Variants in PIAS1 observed in about 807,000 individuals in gnomAD.
PIAS1 encodes the protein protein inhibitor of activated STAT 1, also known as E3 SUMO-protein ligase PIAS1.
A neutral mutation model predicts 71.3 loss-of-function variants in PIAS1; 6 were observed. The ratio of observed to expected loss-of-function variants is 0.08; its 90% CI spans 0.05 to 0.17. The LOEUF (loss-of-function observed/expected upper bound fraction) is 0.17. Ranked by LOEUF, PIAS1 falls within the 10% of genes least tolerant of loss-of-function variation. PIAS1 has a pLI of 1.00. For synonymous variants in PIAS1, 303 were observed against 292.9 expected (o/e 1.03, Z -0.35); for missense variants, 555 against 793.6 (o/e 0.70, Z 3.61).
At chr15:68,088,176 G>GTGTGTGTATATATATATA (rs150997979) in intron 2 of PIAS1, among the ~76,000 whole-genome samples, 14 of 72,998 alleles carry the variant, frequency 1.9e-4, no homozygotes, top group Middle Eastern at 7.6e-3. Context: ...TTATGTGTGT[G>GTGTGTGTATATATATATA]TATATATATA....
Position 68,177,278 on chromosome 15 carries a change from CAAAAAAA to C in PIAS1, c.1481+637_1481+643del, listed in dbSNP as rs3083984. Among the ~76,000 whole-genome samples the C allele has an allele frequency of 5.5e-5, 5 of 90,880 alleles. No individual in the cohort carries two copies. In the South Asian group the frequency reaches 1.4e-3, roughly 26 times the overall value. 59.6% of individuals were successfully genotyped at this position (90,880 alleles called of 152,430 possible). Reference sequence around the variant, plus strand: ...TGGGCAACAGAGCGAGACTTTGTCTCAAAAAAAAAAAAAAAAAAAGAAAGAAAAAATT... The same window carrying C: ...TGGGCAACAGAGCGAGACTTTGTCTCAAAAAAAAAAAAGAAAGAAAAAATT... On this transcript the variant is annotated intron_variant, in intron 11 of 13. Coordinates refer to ENST00000249636, the MANE Select transcript of PIAS1 (RefSeq NM_016166.3).
In PIAS1 at chr15:68,086,787, CA is replaced by C. The variant is rs769429825; in HGVS notation, c.469+38del. On this transcript the variant is annotated intron_variant, in intron 2 of 13. Coordinates refer to ENST00000249636, the MANE Select transcript of PIAS1 (RefSeq NM_016166.3). The surrounding 1 kb of genome is among the most constrained non-coding windows in gnomAD (Gnocchi z 7.2). ...GTATGATAGTATTTGGTTACTTTTG[CA>C]GGATGAATTTTCGTTTTAGGCTTTT... 1.4e-5 allele frequency: 19 copies of C among 1,395,086 alleles called. No homozygotes were observed. The highest frequency in any genetic ancestry group is 3.6e-4 in the Middle Eastern group (2 of 5,494). The allele number at this position is 1,395,086 out of a possible 1,614,324, so 86.4% of individuals were successfully genotyped here.
At chr15:68,179,169 T>C (rs2093037399) in intron 11 of PIAS1, among the ~76,000 whole-genome samples, 1 of 152,184 alleles carries the variant, frequency 6.6e-6, no homozygotes, top group African/African-American at 2.4e-5. Flanking sequence ...AGTATAAAGG[T>C]TGAAATGCAT....
At position 68,170,986 on chromosome 15, in the gene PIAS1, T is replaced by A. The variant is rs529272055; in HGVS notation, c.1009-2746T>A. On this transcript the variant is annotated intron_variant, in intron 8 of 13. Coordinates refer to ENST00000249636, the MANE Select transcript of PIAS1 (RefSeq NM_016166.3). Reference sequence around the variant, plus strand: ...TAAGCTTTTTATTTTTTTTAACTTTTGACTCTTGTAATAACAACACTTAGC... The same window carrying A: ...TAAGCTTTTTATTTTTTTTAACTTTAGACTCTTGTAATAACAACACTTAGC... 3.9e-5 allele frequency among the ~76,000 whole-genome samples: 6 copies of A among 152,256 alleles called. 1 individual carries two copies. Among genetic ancestry groups the A allele is most frequent in the Non-Finnish European group, 5.9e-5 (4 of 68,020 alleles).
Position 68,178,128 on chromosome 15 carries a change from G to T in PIAS1, c.1481+1474G>T, listed in dbSNP as rs937526625. Among the ~76,000 whole-genome samples the T allele has an allele frequency of 6.6e-6, 1 of 152,090 alleles. No homozygotes were observed. Among genetic ancestry groups the T allele is most frequent in the Middle Eastern group, 3.2e-3 (1 of 316 alleles). On this transcript the variant is annotated intron_variant, in intron 11 of 13. Transcript: ENST00000249636. The surrounding 1 kb of genome is among the most constrained non-coding windows in gnomAD (Gnocchi z 4.2). ...CCTGTCTCTACCAAAAAATTAGCTGGGTATGGCACTGTGTGCCTGTTGTCC... is the reference window on the plus strand; with the variant it reads ...CCTGTCTCTACCAAAAAATTAGCTGTGTATGGCACTGTGTGCCTGTTGTCC...
At chr15:68,118,222 A>G (rs912294678) in intron 2 of PIAS1, among the ~76,000 whole-genome samples, 4 of 152,116 alleles carry the variant, frequency 2.6e-5, no homozygotes, top group Non-Finnish European at 4.4e-5. Context: ...TCTGGAGGCT[A>G]AGACATGAGA....
chr15:68,077,971 T>C (rs1019770981), intron 1 of PIAS1, among the ~76,000 whole-genome samples: 1 of 152,232 alleles, frequency 6.6e-6, no homozygotes, highest in Non-Finnish European at 1.5e-5. Flanking sequence ...TGTTTCTTCT[T>C]TTAGGCTTTT....
At chr15:68,081,141 T>C (rs1199459160) in intron 1 of PIAS1, among the ~76,000 whole-genome samples, 1 of 152,202 alleles carries the variant, frequency 6.6e-6, no homozygotes. Flanking sequence ...TTTGCGTACA[T>C]ATATATCTGT....
In PIAS1 at chr15:68,192,610, G is replaced by A. The variant is rs1376159037; in HGVS notation, c.*4775G>A. ...TCTCCTTCCTCAGGGCCTTGTTTGG[G>A]TCTGAAGCCACACAGCATCGTTGAG... On this transcript the variant is annotated 3_prime_UTR_variant, in exon 14 of 14. Transcript: ENST00000249636. 1 of 152,204 alleles carries A rather than the reference G, an allele frequency of 6.6e-6. No homozygotes were observed. Among genetic ancestry groups the A allele is most frequent in the Non-Finnish European group, 1.5e-5 (1 of 68,062 alleles). The allele number at this position is 152,204 out of a possible 1,614,324, so 9.4% of individuals were successfully genotyped here. A position where few individuals can be genotyped will look rare whatever the true frequency, so the allele number is the denominator to read the frequency against.
intron 2 of PIAS1, among the ~76,000 whole-genome samples, chr15:68,099,772 G>A (rs539985209): frequency 1.4e-4 from 22 of 151,746 alleles, no homozygotes; most frequent in African/African-American, 5.1e-4. Flanking sequence ...GTTTTTCTCT[G>A]TCTTTGCCAG....
chr15:68,118,648 A>AT (rs1197896800), intron 2 of PIAS1, among the ~76,000 whole-genome samples: 1 of 152,090 alleles, frequency 6.6e-6, no homozygotes, highest in Non-Finnish European at 1.5e-5. Context: ...AGCTGTCTTG[A>AT]TTTTTTGACA....
intron 7 of PIAS1, among the ~76,000 whole-genome samples, chr15:68,156,428 G>T (rs1408473500): frequency 6.6e-6 from 1 of 152,160 alleles, no homozygotes; most frequent in Non-Finnish European, 1.5e-5. Context: ...GAAGGGCTGG[G>T]TGCAGTGGCT....
At chr15:68,106,436 A>G (rs2092470905) in intron 2 of PIAS1, among the ~76,000 whole-genome samples, 1 of 152,150 alleles carries the variant, frequency 6.6e-6, no homozygotes, top group Admixed American at 6.6e-5. Context: ...TAGACCTTCT[A>G]AATTTTTCTG....
At chr15:68,143,474 A>G (rs902168568) in intron 4 of PIAS1, among the ~76,000 whole-genome samples, 12 of 152,148 alleles carry the variant, frequency 7.9e-5, no homozygotes, top group African/African-American at 2.9e-4. Context: ...AATAACTTTT[A>G]TACCATAAAA....
intron 2 of PIAS1, among the ~76,000 whole-genome samples, chr15:68,099,743 G>A (rs1167899412): frequency 6.6e-6 from 1 of 151,652 alleles, no homozygotes; most frequent in Non-Finnish European, 1.5e-5. Flanking sequence ...GTTTCTTCTG[G>A]TATTGTATGA....
chr15:68,102,127 C>T (rs1481212399), intron 2 of PIAS1, among the ~76,000 whole-genome samples: 1 of 152,104 alleles, frequency 6.6e-6, no homozygotes, highest in Admixed American at 6.5e-5. Flanking sequence ...AATCTGTGAT[C>T]CATTTGTTAC....
At chr15:68,056,140 A>G (rs551189242) in intron 1 of PIAS1, among the ~76,000 whole-genome samples, 6 of 152,346 alleles carry the variant, frequency 3.9e-5, no homozygotes, top group African/African-American at 1.2e-4. Context: ...TAGAGTCACT[A>G]TGTTGCTGTG....
intron 1 of PIAS1, among the ~76,000 whole-genome samples, chr15:68,057,974 C>T (rs953668570): frequency 1.3e-5 from 2 of 152,188 alleles, no homozygotes; most frequent in Admixed American, 6.5e-5. Flanking sequence ...TGCTTAGTGG[C>T]GAGTCCATAG....
At chr15:68,058,368 A>C (rs555166529) in intron 1 of PIAS1, among the ~76,000 whole-genome samples, 2 of 152,302 alleles carry the variant, frequency 1.3e-5, no homozygotes, top group African/African-American at 4.8e-5. Context: ...TCTTTCCAAC[A>C]GTTCTTTGAG....
Sources: allele counts gnomAD v4.1 joint callset (sites outside exome capture counted in the v4.1 genomes callset), GRCh38; gene constraint gnomAD v4.1.1; non-coding constraint Gnocchi (gnomAD v3.1); transcripts MANE v1.5; gene names NCBI Gene and HGNC (gene_info 2026-07-23, HGNC 2026-07-21).